The following UTRN variants were observed in gnomAD, a reference collection of about 807,000 sequenced individuals.
The protein encoded by UTRN is utrophin, also known as dystrophin-related protein 1.
UTRN carries 283 observed loss-of-function variants against 463.9 expected under a neutral mutation model. That is an observed-to-expected ratio of 0.61 (90% CI 0.55 to 0.67). The LOEUF (loss-of-function observed/expected upper bound fraction) is 0.67. Among genes scored for constraint, UTRN ranks in the 30% least tolerant of loss-of-function variants. UTRN has a pLI of 0.00. For synonymous variants in UTRN, 1,442 were observed against 1,431.5 expected (o/e 1.01, Z -0.17); for missense variants, 3,922 against 4,084.3 (o/e 0.96, Z 1.08).
At chr6:144,364,662 C>A (rs1020009136) in intron 2 of UTRN, among the ~76,000 whole-genome samples, 1 of 152,144 alleles carries the variant, frequency 6.6e-6, no homozygotes, top group Non-Finnish European at 1.5e-5. Flanking sequence ...CTTAAAACAA[C>A]ACAACTTTAC....
At chr6:144,836,227 G>T in intron 70 of UTRN, 74 bp from the exon 71 acceptor site, 1 of 1,594,208 alleles carries the variant, frequency 6.3e-7, no homozygotes, top group South Asian at 1.1e-5. Context: ...AGCTAAATTT[G>T]AACCTCACAG....
intron 2 of UTRN, among the ~76,000 whole-genome samples, chr6:144,378,705 G>A (rs1780666793): frequency 6.6e-6 from 1 of 152,168 alleles, no homozygotes; most frequent in African/African-American, 2.4e-5. Flanking sequence ...GTGGTCAGAT[G>A]ATTCAGGGCC....
intron 2 of UTRN, among the ~76,000 whole-genome samples, chr6:144,332,782 T>G (rs1776428125): frequency 6.6e-6 from 1 of 152,096 alleles, no homozygotes; most frequent in South Asian, 2.1e-4. Flanking sequence ...ACCTGATAAT[T>G]TTGGTGATTT....
At chr6:144,556,760 TG>T (rs1198500164) in intron 49 of UTRN, among the ~76,000 whole-genome samples, 2 of 152,192 alleles carry the variant, frequency 1.3e-5, no homozygotes, top group African/African-American at 4.8e-5. Flanking sequence ...AAGACGTCCA[TG>T]TTGTTGATTC....
chr6:144,812,980 AG>A (rs2128750598), intron 65 of UTRN, among the ~76,000 whole-genome samples: 1 of 152,200 alleles, frequency 6.6e-6, no homozygotes, highest in East Asian at 1.9e-4. Context: ...TTATCTGTGT[AG>A]GTTCAGTTCT....
chr6:144,546,963 G>A (rs1288385142), intron 46 of UTRN, among the ~76,000 whole-genome samples: 1 of 152,150 alleles, frequency 6.6e-6, no homozygotes, highest in Non-Finnish European at 1.5e-5. Context: ...TTCTGCATTT[G>A]GTCTCTTGTG....
chr6:144,524,026 A>C (rs1796349957), intron 41 of UTRN, among the ~76,000 whole-genome samples: 1 of 152,214 alleles, frequency 6.6e-6, no homozygotes, highest in African/African-American at 2.4e-5. Flanking sequence ...AACCCAGTGG[A>C]AAGCGCTGTA....
chr6:144,544,370 A>G (rs1226952274), intron 46 of UTRN, among the ~76,000 whole-genome samples: 1 of 152,100 alleles, frequency 6.6e-6, no homozygotes, highest in African/African-American at 2.4e-5. Flanking sequence ...AAATATTTCT[A>G]TCACTCCAAA....
At chr6:144,657,143 G>A (rs954762415) in intron 51 of UTRN, among the ~76,000 whole-genome samples, 3 of 151,886 alleles carry the variant, frequency 2.0e-5, no homozygotes, top group East Asian at 1.9e-4. Context: ...CCAGCTACTC[G>A]GGAGGCTGAG....
intron 2 of UTRN, among the ~76,000 whole-genome samples, chr6:144,381,168 C>T (rs966621258): frequency 2.6e-5 from 4 of 152,176 alleles, no homozygotes; most frequent in East Asian, 1.9e-4. Flanking sequence ...TCGTTTCCCT[C>T]CCCCCAACCT....
intron 2 of UTRN, among the ~76,000 whole-genome samples, chr6:144,321,528 G>A (rs1775647837): frequency 6.9e-6 from 1 of 145,262 alleles, no homozygotes; most frequent in African/African-American, 2.6e-5. Context: ...GGAGTGCAGT[G>A]GCGTGATCTC....
At chr6:144,378,357 G>A (rs1167949968) in intron 2 of UTRN, among the ~76,000 whole-genome samples, 1 of 152,176 alleles carries the variant, frequency 6.6e-6, no homozygotes, top group Non-Finnish European at 1.5e-5. Context: ...ATATACTATA[G>A]AGATCAAAGT....
In UTRN at chr6:144,521,769, A is replaced by G. The variant is rs192271575; in HGVS notation, c.5542-211A>G. On this transcript the variant is annotated intron_variant, in intron 39 of 74. Coordinates refer to ENST00000367545, the MANE Select transcript of UTRN (RefSeq NM_007124.3). ...AATTAATAACATACTTATACTGTTT[A>G]ATATCATGCTGCAGATGAAAATTAG... Among the ~76,000 whole-genome samples the G allele has an allele frequency of 1.2e-3, 186 of 152,202 alleles. 1 individual carries two copies. Among genetic ancestry groups the G allele is most frequent in the Middle Eastern group, 0.01 (3 of 294 alleles).
At chr6:144,837,631 A>C (rs140846168) in intron 71 of UTRN, among the ~76,000 whole-genome samples, 253 of 152,316 alleles carry the variant, frequency 1.7e-3, no homozygotes, top group African/African-American at 5.8e-3. Flanking sequence ...TTATTGACTC[A>C]AAGCAGGAAC....
At chr6:144,749,974 G>A (rs1791199812) in intron 55 of UTRN, among the ~76,000 whole-genome samples, 1 of 152,076 alleles carries the variant, frequency 6.6e-6, no homozygotes, top group African/African-American at 2.4e-5. Context: ...ATAAAAAGAT[G>A]TTGATTTTAA....
At chr6:144,691,342 C>T (rs1425393922) in intron 52 of UTRN, among the ~76,000 whole-genome samples, 2 of 152,218 alleles carry the variant, frequency 1.3e-5, no homozygotes, top group Non-Finnish European at 2.9e-5. Flanking sequence ...CTCTCGAACT[C>T]CTGGCCTCAA....
intron 25 of UTRN, among the ~76,000 whole-genome samples, chr6:144,475,747 C>G (rs531502869): frequency 2.6e-4 from 40 of 152,152 alleles, no homozygotes; most frequent in Admixed American, 4.6e-4. Flanking sequence ...GTAGCTGGAA[C>G]TATAGATGTT....
intron 51 of UTRN, among the ~76,000 whole-genome samples, chr6:144,607,702 ACTTC>A (rs1562641890): frequency 2.6e-5 from 4 of 152,084 alleles, no homozygotes; most frequent in Non-Finnish European, 5.9e-5. Flanking sequence ...TTCACCAAAA[ACTTC>A]TGTATAAACT....
intron 2 of UTRN, among the ~76,000 whole-genome samples, chr6:144,336,749 CT>C (rs1413761102): frequency 1.3e-5 from 2 of 151,774 alleles, no homozygotes; most frequent in East Asian, 3.9e-4. Flanking sequence ...TTTAAAATTC[CT>C]TTCTTTTTGA....
Sources: allele counts gnomAD v4.1 joint callset (sites outside exome capture counted in the v4.1 genomes callset), GRCh38; gene constraint gnomAD v4.1.1; transcripts MANE v1.5; gene names NCBI Gene and HGNC (gene_info 2026-07-23, HGNC 2026-07-21).